The following POP7 variants were observed in gnomAD, a reference collection of about 807,000 sequenced individuals.
POP7 encodes the protein ribonuclease P protein subunit p20.
POP7 carries 5 observed loss-of-function variants against 7.5 expected under a neutral mutation model. The observed-to-expected ratio is 0.66, with a 90% CI of 0.35 to 1.40. POP7 has a LOEUF of 1.40. Among genes scored for constraint, POP7 ranks in the 40% most tolerant of loss-of-function variants. The pLI, the probability that POP7 is intolerant of heterozygous loss-of-function variation, is 0.04. For synonymous variants in POP7, 85 were observed against 81.6 expected, an observed-to-expected ratio of 1.04 and a Z score of -0.23; for missense variants, 170 against 189.1, an observed-to-expected ratio of 0.90 and a Z score of 0.59.
In POP7 at chr7:100,707,047, G is replaced by A. The variant is rs758799064; in HGVS notation, c.217G>A (p.Gly73Ser). 9 of 1,613,986 alleles carry A rather than the reference G, an allele frequency of 5.6e-6. No individual in the cohort carries two copies. Among genetic ancestry groups the A allele is most frequent in the Middle Eastern group, 1.6e-4 (1 of 6,084 alleles). Residue 73 changes from glycine to serine, a missense_variant, in exon 2 of 2, where the codon GGC becomes AGC. Coordinates refer to ENST00000303151, the MANE Select transcript of POP7 (RefSeq NM_005837.3). ...CGCGTGCTCTGAGATCTACATTCAC[G>A]GCTTGGGCCTGGCCATCAACCGCGC... The part of the protein sequence containing the change: ...QNACSEIYIH[G>S]LGLAINRAIN...
At chr7:100,706,396 G>C (rs938215893) in intron 1 of POP7, 92 bp downstream of exon 1, 1 of 161,688 alleles carries the variant, frequency 6.2e-6, no homozygotes, top group African/African-American at 2.4e-5. Flanking sequence ...GGGATCTGGA[G>C]GTGAGTGGGA....
chr7:100,706,391 C>T lies in POP7; in HGVS notation c.-11+87C>T, dbSNP rs376990156. On this transcript the variant is annotated intron_variant, in intron 1 of 1. Coordinates refer to ENST00000303151, the MANE Select transcript of POP7 (RefSeq NM_005837.3). ...AACGGGGGGTGGGGAGACGCGGGAT[C>T]TGGAGGTGAGTGGGAGAGGACGAGG... 1.1e-4 allele frequency: 17 copies of T among 161,688 alleles called. No individual in the cohort carries two copies. The South Asian group carries it at 2.3e-3, about 22-fold the overall frequency. 10.0% of individuals were successfully genotyped at this position (161,688 alleles called of 1,614,324 possible). A position where few individuals can be genotyped will look rare whatever the true frequency, so the allele number is the denominator to read the frequency against.
chr7:100,706,780 G>T, intron 1 of POP7, 41 bp from the exon 2 acceptor site: 1 of 1,575,620 alleles, frequency 6.3e-7, no homozygotes. Flanking sequence ...AGGCTTCGAG[G>T]TCCCTCTGAG....
Position 100,707,446 on chromosome 7 carries a change from G to GT in POP7, c.*194dup. On this transcript the variant is annotated 3_prime_UTR_variant, in exon 2 of 2. Transcript: ENST00000303151. Reference sequence around the variant, plus strand: ...CTTCCTGAGTGTGTGTATGCGGTCTGTAACTATTGCCATATAAATAAAAAA... The same window carrying GT: ...CTTCCTGAGTGTGTGTATGCGGTCTGTTAACTATTGCCATATAAATAAAAAA... 1.6e-6 allele frequency: 1 copy of GT among 628,154 alleles called. No individual in the cohort carries two copies. The highest frequency in any genetic ancestry group is 2.8e-6 in the Non-Finnish European group (1 of 356,668). The allele number at this position is 628,154 out of a possible 1,614,324, so 38.9% of individuals were successfully genotyped here.
Position 100,707,346 on chromosome 7 carries a change from C to T in POP7, c.*93C>T. The T allele has an allele frequency of 7.1e-7, 1 of 1,411,148 alleles. No individual in the cohort carries two copies. The highest frequency in any genetic ancestry group is 9.5e-7 in the Non-Finnish European group (1 of 1,047,198). 87.4% of individuals were successfully genotyped at this position (1,411,148 alleles called of 1,614,324 possible). ...GGACCAGAGCCATGTAAGAAAAGGC[C>T]TGTTCCCTGGAAGCCCAAAGGACTC... On this transcript the variant is annotated 3_prime_UTR_variant, in exon 2 of 2. Coordinates refer to ENST00000303151, the MANE Select transcript of POP7 (RefSeq NM_005837.3).
chr7:100,707,303 TG>T lies in POP7; in HGVS notation c.*51del. 1 of 1,561,826 alleles carries T rather than the reference TG, an allele frequency of 6.4e-7. No individual in the cohort carries two copies. The highest frequency in any genetic ancestry group is 1.2e-5 in the South Asian group (1 of 84,788). ...CCCCTCCGTGATATGGCTCTTCGCATGCTGAGTACTGGACCTCGGACCAGAG... is the reference window on the plus strand; with the variant it reads ...CCCCTCCGTGATATGGCTCTTCGCATCTGAGTACTGGACCTCGGACCAGAG... On this transcript the variant is annotated 3_prime_UTR_variant, in exon 2 of 2. Transcript: ENST00000303151.
Position 100,707,414 on chromosome 7 carries a change from A to T in POP7, c.*161A>T. 1 of 802,636 alleles carries T rather than the reference A, an allele frequency of 1.2e-6. No individual in the cohort carries two copies. The highest frequency in any genetic ancestry group is 2.5e-4 in the Middle Eastern group (1 of 3,924). The allele number at this position is 802,636 out of a possible 1,614,324, so 49.7% of individuals were successfully genotyped here. A position where few individuals can be genotyped will look rare whatever the true frequency, so the allele number is the denominator to read the frequency against. On this transcript the variant is annotated 3_prime_UTR_variant, in exon 2 of 2. Transcript: ENST00000303151. ...TAATTGTCTCTTGGTGGGCCCAGTT[A>T]GTGGGCCTTCCTGAGTGTGTGTATG...
chr7:100,706,619 C>G (rs1806522492), intron 1 of POP7, among the ~76,000 whole-genome samples: 1 of 151,982 alleles, frequency 6.6e-6, no homozygotes, highest in Non-Finnish European at 1.5e-5. Flanking sequence ...AAAAATTTTT[C>G]TTAAGACAGG....
intron 1 of POP7, 148 bp from the exon 2 acceptor site, chr7:100,706,673 A>G: frequency 1.3e-6 from 1 of 793,842 alleles, no homozygotes; most frequent in Non-Finnish European, 2.0e-6. Context: ...CCCGGGCTCC[A>G]GTGATCCTCC....
chr7:100,707,071 G>A lies in POP7; in HGVS notation c.241G>A (p.Ala81Thr). The change falls in exon 2 of 2, where the codon GCC becomes ACC. Residue 81 changes from alanine to threonine, a missense_variant. Ala to Thr is a moderately conservative substitution (Grantham distance 58, BLOSUM62 0). Transcript: ENST00000303151. ...IHGLGLAINR[A>T]INIALQLQAG... ...CGGCTTGGGCCTGGCCATCAACCGC[G>A]CCATCAACATCGCGCTGCAGCTGCA... 6.2e-7 allele frequency: 1 copy of A among 1,614,012 alleles called. No homozygotes were observed. Among genetic ancestry groups the A allele is most frequent in the South Asian group, 1.1e-5 (1 of 91,084 alleles).
Position 100,707,104 on chromosome 7 carries a change from A to T in POP7, c.274A>T (p.Ser92Cys), listed in dbSNP as rs553143567. Residue 92 changes from serine (S) to cysteine (C), a missense_variant, in exon 2 of 2, where the codon AGC (serine) becomes TGC (cysteine). Coordinates refer to ENST00000303151, the MANE Select transcript of POP7 (RefSeq NM_005837.3). ...CATCGCGCTGCAGCTGCAGGCGGGC[A>T]GCTTCGGGTCCTTGCAGGTGGCTGC... The part of the protein sequence containing the change: ...INIALQLQAG[S>C]FGSLQVAANT... 1 of 1,613,988 alleles carries T rather than the reference A, an allele frequency of 6.2e-7. No homozygotes were observed. The highest frequency in any genetic ancestry group is 8.5e-7 in the Non-Finnish European group (1 of 1,180,044).
At position 100,706,875 on chromosome 7, in the gene POP7, G is replaced by A. The variant is rs1363611620; in HGVS notation, c.45G>A (p.Leu15=). ...CCCGCGGTGCTGTGGAGGCTGAACT[G>A]GATCCAGTGGAATACACCCTTAGGA... ...REPRGAVEAE[L]DPVEYTLRKR... is the part of the protein sequence containing the mutation. Residue 15 remains leucine (L), a synonymous_variant, in exon 2 of 2, where the codon CTG becomes CTA. Coordinates refer to ENST00000303151, the MANE Select transcript of POP7 (RefSeq NM_005837.3). The A allele has an allele frequency of 6.2e-7, 1 of 1,613,802 alleles. No homozygotes were observed. The highest frequency in any genetic ancestry group is 2.2e-5 in the East Asian group (1 of 44,900).
Position 100,707,379 on chromosome 7 carries a change from A to C in POP7, c.*126A>C. 8.7e-7 allele frequency: 1 copy of C among 1,149,446 alleles called. No homozygotes were observed. Among genetic ancestry groups the C allele is most frequent in the South Asian group, 1.6e-5 (1 of 61,188 alleles). The allele number at this position is 1,149,446 out of a possible 1,614,324, so 71.2% of individuals were successfully genotyped here. A position where few individuals can be genotyped will look rare whatever the true frequency, so the allele number is the denominator to read the frequency against. On this transcript the variant is annotated 3_prime_UTR_variant, in exon 2 of 2. Transcript: ENST00000303151. ...TGGAAGCCCAAAGGACTCTGCATTG[A>C]GGGTGGGGGTAATTGTCTCTTGGTG...
intron 1 of POP7, among the ~76,000 whole-genome samples, chr7:100,706,616 T>G (rs1806522456): frequency 6.6e-6 from 1 of 152,044 alleles, no homozygotes; most frequent in African/African-American, 2.4e-5. Flanking sequence ...TAAAAAAATT[T>G]TTCTTAAGAC....
chr7:100,706,786 C>T (rs980364301), intron 1 of POP7, 35 bp from the exon 2 acceptor site: 3 of 1,592,132 alleles, frequency 1.9e-6, no homozygotes, highest in South Asian at 1.1e-5. Flanking sequence ...CGAGGTCCCT[C>T]TGAGCCCTCT....
At position 100,706,677 on chromosome 7, in the gene POP7, A is replaced by G; in HGVS notation, c.-10-144A>G. 4 of 809,682 alleles carry G rather than the reference A, an allele frequency of 4.9e-6. No homozygotes were observed. The South Asian group carries it at 7.0e-5, about 14-fold the overall frequency. 50.2% of individuals were successfully genotyped at this position (809,682 alleles called of 1,614,324 possible). A position where few individuals can be genotyped will look rare whatever the true frequency, so the allele number is the denominator to read the frequency against. On this transcript the variant is annotated intron_variant, in intron 1 of 1. Transcript: ENST00000303151. ...GATCTCAAACACCCGGGCTCCAGTGATCCTCCCGCCTCGACCTTCCAAAGT... is the reference window on the plus strand; with the variant it reads ...GATCTCAAACACCCGGGCTCCAGTGGTCCTCCCGCCTCGACCTTCCAAAGT...
At chr7:100,706,700 A>G in intron 1 of POP7, 121 bp from the exon 2 acceptor site, 1 of 983,668 alleles carries the variant, frequency 1.0e-6, no homozygotes, top group Non-Finnish European at 1.5e-6. Context: ...GACCTTCCAA[A>G]GTGCTGAGGT....
chr7:100,707,128 G>C lies in POP7; in HGVS notation c.298G>C (p.Ala100Pro). 6.2e-7 allele frequency: 1 copy of C among 1,614,168 alleles called. No individual in the cohort carries two copies. Among genetic ancestry groups the C allele is most frequent in the Non-Finnish European group, 8.5e-7 (1 of 1,180,040 alleles). The change falls in exon 2 of 2, where the codon GCC (alanine) becomes CCC (proline). Residue 100 changes from alanine to proline, a missense_variant. Coordinates refer to ENST00000303151, the MANE Select transcript of POP7 (RefSeq NM_005837.3). ...CAGCTTCGGGTCCTTGCAGGTGGCT[G>C]CCAATACCTCCACCGTGGAGCTTGT... ...AGSFGSLQVA[A>P]NTSTVELVDE... is the part of the protein sequence containing the mutation.
rs1199098793 is a variant in POP7, at chr7:100,706,155, G to C, written c.-160G>C. On this transcript the variant is annotated 5_prime_UTR_variant, in exon 1 of 2. Coordinates refer to ENST00000303151, the MANE Select transcript of POP7 (RefSeq NM_005837.3). ...CCCGTTCAGGACCCCGGCGCGGGCA[G>C]GGCGCCCACGAGCTGGCTGGCTGCT... 1 of 152,680 alleles carries C rather than the reference G, an allele frequency of 6.5e-6. No individual in the cohort carries two copies. The highest frequency in any genetic ancestry group is 2.4e-5 in the African/African-American group (1 of 41,480). The allele number at this position is 152,680 out of a possible 1,614,324, so 9.5% of individuals were successfully genotyped here. A position where few individuals can be genotyped will look rare whatever the true frequency, so the allele number is the denominator to read the frequency against.
Sources: gnomAD v4.1 joint callset for allele counts (sites outside exome capture counted in the v4.1 genomes callset) on GRCh38, gnomAD v4.1.1 for gene constraint, MANE v1.5 for transcripts, NCBI Gene and HGNC (gene_info 2026-07-23, HGNC 2026-07-21) for gene names.